Variants in USP32 observed in about 807,000 individuals in gnomAD.
USP32 encodes ubiquitin carboxyl-terminal hydrolase 32.
In USP32, 59 loss-of-function variants were observed where a neutral mutation model predicts 204.8. That is an observed-to-expected ratio of 0.29 (90% CI 0.23 to 0.36). USP32 has a LOEUF of 0.36. Ranked by LOEUF, USP32 falls within the 10% of genes least tolerant of loss-of-function variation. The pLI is 1.00. For missense variants in USP32, 1,160 were observed against 1,946.4 expected (o/e 0.60, Z 7.60); for synonymous variants, 517 against 678.4 (o/e 0.76, Z 3.70).
intron 1 of USP32, among the ~76,000 whole-genome samples, chr17:60,353,821 A>C (rs183238007): frequency 6.6e-6 from 1 of 152,246 alleles, no homozygotes; most frequent in Non-Finnish European, 1.5e-5. Flanking sequence ...CTCACTGTCC[A>C]TGAAAGGAAA....
chr17:60,349,623 ATTATATATATATATATATAT>A, intron 1 of USP32, among the ~76,000 whole-genome samples: 1 of 65,666 alleles, frequency 1.5e-5, no homozygotes, highest in African/African-American at 1.2e-4. Context: ...ATATATATAT[ATTATATATATATATATATAT>A]TATATATATA....
At chr17:60,282,894 A>T (rs1301885096) in intron 5 of USP32, among the ~76,000 whole-genome samples, 2 of 152,198 alleles carry the variant, frequency 1.3e-5, no homozygotes, top group Non-Finnish European at 1.5e-5. Context: ...CATTTCGTCC[A>T]CTAAACTAAG....
intron 26 of USP32, among the ~76,000 whole-genome samples, chr17:60,199,966 C>G (rs866198927): frequency 6.6e-6 from 1 of 152,034 alleles, no homozygotes; most frequent in African/African-American, 2.4e-5. Context: ...GAGGCCGAGG[C>G]GGGCGGATCA....
At chr17:60,278,257 C>T (rs1200112672) in intron 5 of USP32, among the ~76,000 whole-genome samples, 4 of 151,758 alleles carry the variant, frequency 2.6e-5, no homozygotes, top group Non-Finnish European at 5.9e-5. Flanking sequence ...TTAGTAAAAA[C>T]GTATTATATG....
At chr17:60,363,203 C>T (rs1271846850) in intron 1 of USP32, among the ~76,000 whole-genome samples, 4 of 151,382 alleles carry the variant, frequency 2.6e-5, no homozygotes, top group African/African-American at 9.7e-5. Context: ...ACCTGTAATC[C>T]CAGCACTTTG....
chr17:60,412,935 C>T (rs1358945105), intron 1 of USP32, among the ~76,000 whole-genome samples: 1 of 152,134 alleles, frequency 6.6e-6, no homozygotes, highest in African/African-American at 2.4e-5. Flanking sequence ...TATCATTAGA[C>T]TATTTAGAAA....
chr17:60,352,567 G>A (rs2088973410), intron 1 of USP32, among the ~76,000 whole-genome samples: 1 of 152,168 alleles, frequency 6.6e-6, no homozygotes, highest in Admixed American at 6.5e-5. Context: ...CAAGTTTATG[G>A]AAGGCCATTC....
intron 2 of USP32, among the ~76,000 whole-genome samples, chr17:60,311,845 G>C (rs777850607): frequency 6.6e-6 from 1 of 151,944 alleles, no homozygotes; most frequent in African/African-American, 2.4e-5. Flanking sequence ...AAAAAAAAAC[G>C]GTAGATATGT....
chr17:60,331,314 C>G (rs1429918729), intron 2 of USP32, among the ~76,000 whole-genome samples: 1 of 152,164 alleles, frequency 6.6e-6, no homozygotes, highest in Admixed American at 6.5e-5. Flanking sequence ...ACCTGTAATC[C>G]CAGCACTTTG....
intron 2 of USP32, among the ~76,000 whole-genome samples, chr17:60,343,045 C>T (rs1011649629): frequency 6.6e-6 from 1 of 152,138 alleles, no homozygotes; most frequent in African/African-American, 2.4e-5. Flanking sequence ...TGTTCCTATT[C>T]GGCCATCTTG....
At chr17:60,201,208 C>G (rs2084666834) in intron 26 of USP32, among the ~76,000 whole-genome samples, 1 of 152,168 alleles carries the variant, frequency 6.6e-6, no homozygotes, top group African/African-American at 2.4e-5. Context: ...TTACGAGATT[C>G]ATTTATACTC....
intron 16 of USP32, among the ~76,000 whole-genome samples, chr17:60,217,247 G>T (rs892483297): frequency 2.0e-5 from 3 of 152,084 alleles, no homozygotes; most frequent in African/African-American, 7.2e-5. Flanking sequence ...GAGTTACAAA[G>T]AATACCTACT....
At chr17:60,340,520 T>C (rs866570496) in intron 2 of USP32, among the ~76,000 whole-genome samples, 7 of 152,348 alleles carry the variant, frequency 4.6e-5, no homozygotes, top group African/African-American at 1.7e-4. Context: ...TCCATTTGCT[T>C]GGTAGATCTT....
chr17:60,296,406 T>C (rs1411204602), intron 3 of USP32, among the ~76,000 whole-genome samples: 2 of 152,114 alleles, frequency 1.3e-5, no homozygotes, highest in African/African-American at 4.8e-5. Flanking sequence ...TAAAGCCATG[T>C]GTAAGAAAGG....
At chr17:60,303,962 T>TA (rs1030105193) in intron 2 of USP32, among the ~76,000 whole-genome samples, 1 of 152,018 alleles carries the variant, frequency 6.6e-6, no homozygotes, top group Non-Finnish European at 1.5e-5. Context: ...GTAATCCTGA[T>TA]ATCCTACAAA....
At chr17:60,230,526 G>T (rs541890470) in intron 12 of USP32, among the ~76,000 whole-genome samples, 2 of 152,358 alleles carry the variant, frequency 1.3e-5, no homozygotes, top group Non-Finnish European at 2.9e-5. Context: ...TCTACCACAT[G>T]CTTTTAACAT....
intron 1 of USP32, among the ~76,000 whole-genome samples, chr17:60,406,156 C>T (rs1056620521): frequency 4.4e-5 from 2 of 45,250 alleles, no homozygotes; most frequent in African/African-American, 1.7e-4. Context: ...GACCTTGTCT[C>T]AAAAAAAAAA....
chr17:60,226,096 C>T lies in USP32; in HGVS notation c.1375G>A (p.Glu459Lys), dbSNP rs1212990827. 8.1e-6 allele frequency: 13 copies of T among 1,607,502 alleles called. No homozygotes were observed. Among genetic ancestry groups the T allele is most frequent in the Non-Finnish European group, 1.1e-5 (13 of 1,177,858 alleles). Residue 459 changes from glutamate (E) to lysine (K), a missense_variant, in exon 13 of 34, where the codon GAG becomes AAG. By Grantham distance (56) the Glu-to-Lys change is moderately conservative. Coordinates refer to ENST00000300896, the MANE Select transcript of USP32 (RefSeq NM_032582.4). ...SSLSYVNTTE[E>K]KFSDNISTAS... ...GTAGAAATGTTGTCTGAAAATTTCT[C>T]TTCTGTAGTATTCACGTAACTGAGG...
intron 33 of USP32, among the ~76,000 whole-genome samples, chr17:60,179,793 C>T (rs1284574893): frequency 1.3e-5 from 2 of 152,172 alleles, no homozygotes; most frequent in African/African-American, 4.8e-5. Flanking sequence ...GCCTCAGCCT[C>T]CCGAGTAGCT....
Sources: gnomAD v4.1 joint callset for allele counts (sites outside exome capture counted in the v4.1 genomes callset) on GRCh38, gnomAD v4.1.1 for gene constraint, MANE v1.5 for transcripts, NCBI Gene and HGNC (gene_info 2026-07-23, HGNC 2026-07-21) for gene names.